COL11A1: variants seen among roughly 807,000 people sequenced by gnomAD.
The protein encoded by COL11A1 is collagen alpha-1(XI) chain.
In COL11A1, 74 loss-of-function variants were observed where a neutral mutation model predicts 265.2. The observed-to-expected ratio is 0.28, with a 90% CI of 0.23 to 0.34. The LOEUF is 0.34. Ranked by LOEUF, COL11A1 falls within the 10% of genes least tolerant of loss-of-function variation. COL11A1 has a pLI of 1.00. For missense variants in COL11A1, 2,165 were observed against 2,263.6 expected, an observed-to-expected ratio of 0.96 and a Z score of 0.88; for synonymous variants, 816 against 727.6, an observed-to-expected ratio of 1.12 and a Z score of -1.96.
chr1:102,946,172 T>A (rs2101393715), intron 42 of COL11A1, among the ~76,000 whole-genome samples: 1 of 110,554 alleles, frequency 9.0e-6, no homozygotes, highest in African/African-American at 3.5e-5. Flanking sequence ...CTCTGGGGAC[T>A]GTTGTGGGGT....
At chr1:102,878,343 T>C (rs116234463) in intron 66 of COL11A1, among the ~76,000 whole-genome samples, 178 bp from the exon 67 acceptor site, 2 of 150,958 alleles carry the variant, frequency 1.3e-5, no homozygotes, top group African/African-American at 4.9e-5. Context: ...ATTTTGAATA[T>C]TGATTAGTAC....
chr1:102,878,865 T>C (rs1032810073), intron 66 of COL11A1, among the ~76,000 whole-genome samples: 1 of 152,042 alleles, frequency 6.6e-6, no homozygotes, highest in Admixed American at 6.6e-5. Context: ...ATAGTCAAAT[T>C]CTCTTACAGA....
intron 29 of COL11A1, 68 bp downstream of exon 29, chr1:102,989,450 T>C: frequency 1.1e-6 from 1 of 935,338 alleles, no homozygotes; most frequent in Non-Finnish European, 1.5e-6. Context: ...TATTTAAAGA[T>C]AAGCAAAGGA....
At chr1:102,943,281 A>C (rs1488839150) in intron 42 of COL11A1, among the ~76,000 whole-genome samples, 4 of 151,978 alleles carry the variant, frequency 2.6e-5, no homozygotes. Flanking sequence ...TTTTTGAATC[A>C]ATTTAGAATT....
chr1:102,994,878 A>G (rs1269819116), intron 28 of COL11A1, among the ~76,000 whole-genome samples: 2 of 152,120 alleles, frequency 1.3e-5, no homozygotes, highest in Admixed American at 1.3e-4. Context: ...GGAATCCTCA[A>G]GAAACTTACA....
At chr1:103,093,016 G>C (rs909508433) in intron 1 of COL11A1, among the ~76,000 whole-genome samples, 1 of 151,806 alleles carries the variant, frequency 6.6e-6, no homozygotes, top group South Asian at 2.1e-4. Context: ...GAAAAGAAAG[G>C]AAATCCATGA....
At chr1:103,106,472 G>A (rs1674699201) in intron 1 of COL11A1, among the ~76,000 whole-genome samples, 1 of 152,112 alleles carries the variant, frequency 6.6e-6, no homozygotes, top group South Asian at 2.1e-4. Flanking sequence ...CATGTCCCAC[G>A]GTAGACGCAG....
chr1:103,007,280 CT>C (rs1384357146), intron 15 of COL11A1, among the ~76,000 whole-genome samples: 1 of 152,168 alleles, frequency 6.6e-6, no homozygotes, highest in Non-Finnish European at 1.5e-5. Flanking sequence ...TTCTCATTAT[CT>C]TTTTCTTCAG....
At chr1:103,063,828 C>A (rs1670860306) in intron 4 of COL11A1, among the ~76,000 whole-genome samples, 1 of 152,036 alleles carries the variant, frequency 6.6e-6, no homozygotes, top group African/African-American at 2.4e-5. Context: ...GGACTGTTAT[C>A]CAAAACATAC....
intron 47 of COL11A1, 40 bp from the exon 48 acceptor site, chr1:102,921,611 C>A (rs1253437497): frequency 1.3e-6 from 2 of 1,504,862 alleles, no homozygotes; most frequent in South Asian, 2.3e-5. Context: ...AGACCAAATT[C>A]AAATGTGTTT....
chr1:103,087,905 C>A (rs1435801058), intron 1 of COL11A1, among the ~76,000 whole-genome samples: 1 of 152,152 alleles, frequency 6.6e-6, no homozygotes, highest in Middle Eastern at 3.2e-3. Flanking sequence ...GAATGTGAAA[C>A]ACGATAATGT....
At chr1:102,880,701 G>T (rs982841599) in intron 65 of COL11A1, among the ~76,000 whole-genome samples, 1 of 151,706 alleles carries the variant, frequency 6.6e-6, no homozygotes. Flanking sequence ...AAAAAAAAAG[G>T]TTAAGATGTT....
intron 57 of COL11A1, among the ~76,000 whole-genome samples, chr1:102,892,885 T>C: frequency 6.6e-6 from 1 of 152,176 alleles, no homozygotes; most frequent in East Asian, 1.9e-4. Context: ...TTAATAATAA[T>C]CTTCTAATAA....
At chr1:102,893,530 T>G (rs1417563592) in intron 57 of COL11A1, among the ~76,000 whole-genome samples, 1 of 152,104 alleles carries the variant, frequency 6.6e-6, no homozygotes, top group Non-Finnish European at 1.5e-5. Flanking sequence ...ACTATACATA[T>G]TTTCTATTTT....
chr1:102,968,635 G>T (rs1341637400), intron 37 of COL11A1, among the ~76,000 whole-genome samples: 1 of 152,058 alleles, frequency 6.6e-6, no homozygotes, highest in Non-Finnish European at 1.5e-5. Flanking sequence ...TTTGAATCTG[G>T]GTCAGCAGAG....
intron 38 of COL11A1, among the ~76,000 whole-genome samples, chr1:102,965,063 T>C (rs1480207098): frequency 6.6e-6 from 1 of 152,138 alleles, no homozygotes; most frequent in East Asian, 1.9e-4. Flanking sequence ...ATGTTACAAA[T>C]ATTAAAATTT....
rs149842131 is a variant in COL11A1, at chr1:102,976,289, C to CTTTTTTTTTTTTTTTTTT, written c.2755-1424_2755-1407dup. The stretch of plus-strand genomic sequence containing the variant: ...TATAAAATTTCACAGAAAACGTTGG[C>CTTTTTTTTTTTTTTTTTT]TTTTTTTTTTTTTTTTTTTTTTTTT... On this transcript the variant is annotated intron_variant, in intron 35 of 66. Transcript: ENST00000370096. Among the ~76,000 whole-genome samples the CTTTTTTTTTTTTTTTTTT allele has an allele frequency of 1.9e-4, 11 of 58,602 alleles. 3 individuals are homozygous for CTTTTTTTTTTTTTTTTTT. The highest frequency in any genetic ancestry group is 6.4e-4 in the Admixed American group (2 of 3,102). The allele number at this position is 58,602 out of a possible 152,430, so 38.4% of individuals were successfully genotyped here.
chr1:102,886,147 G>T (rs774036031), intron 63 of COL11A1, among the ~76,000 whole-genome samples: 12 of 152,100 alleles, frequency 7.9e-5, no homozygotes, highest in Non-Finnish European at 1.2e-4. Flanking sequence ...TTTAATAATT[G>T]TAAGAGTTTA....
intron 4 of COL11A1, among the ~76,000 whole-genome samples, chr1:103,040,674 A>C (rs1207885356): frequency 6.6e-6 from 1 of 151,832 alleles, no homozygotes; most frequent in Non-Finnish European, 1.5e-5. Context: ...GATTGAAATT[A>C]ACATTTAAAA....
Sources: allele counts gnomAD v4.1 joint callset (sites outside exome capture counted in the v4.1 genomes callset), GRCh38; gene constraint gnomAD v4.1.1; transcripts MANE v1.5; gene names NCBI Gene and HGNC (gene_info 2026-07-23, HGNC 2026-07-21).